Variants in NTNG2 observed in about 807,000 individuals in gnomAD.
NTNG2 encodes the protein netrin-G2.
A neutral mutation model predicts 47.6 loss-of-function variants in NTNG2; 15 were observed. The ratio of observed to expected loss-of-function variants is 0.32; its 90% CI spans 0.21 to 0.49. The LOEUF is 0.49. Among genes scored for constraint, NTNG2 ranks in the 20% least tolerant of loss-of-function variants. NTNG2 has a pLI of 0.99. For missense variants in NTNG2, 578 were observed against 764.6 expected, an observed-to-expected ratio of 0.76 and a Z score of 2.88; for synonymous variants, 307 against 324.6, an observed-to-expected ratio of 0.95 and a Z score of 0.58.
At chr9:132,217,532 T>C (rs996795329) in intron 3 of NTNG2, among the ~76,000 whole-genome samples, 1 of 152,214 alleles carries the variant, frequency 6.6e-6, no homozygotes, top group Non-Finnish European at 1.5e-5. Context: ...GTCTGTGAAA[T>C]AGAGATAGTC....
chr9:132,239,098 G>T lies in NTNG2; in HGVS notation c.1055-6G>T. 6.2e-7 allele frequency: 1 copy of T among 1,610,404 alleles called. No individual in the cohort carries two copies. Among genetic ancestry groups the T allele is most frequent in the Non-Finnish European group, 8.5e-7 (1 of 1,177,018 alleles). On this transcript the variant is annotated splice_polypyrimidine_tract_variant and splice_region_variant and intron_variant, in intron 5 of 7. Coordinates refer to ENST00000393229, the MANE Select transcript of NTNG2 (RefSeq NM_032536.4). ...CATTGGTATTTCTCCCACTTGGCCG[G>T]CCCAGACTGCGAATGCTACGGTCAC...
intron 3 of NTNG2, among the ~76,000 whole-genome samples, chr9:132,210,193 C>A (rs1455493398): frequency 6.6e-6 from 1 of 152,096 alleles, no homozygotes; most frequent in Non-Finnish European, 1.5e-5. Context: ...CCAGCTCTTT[C>A]CATTTGCTCT....
At chr9:132,171,132 A>G (rs775520045) in intron 2 of NTNG2, among the ~76,000 whole-genome samples, 3 of 152,138 alleles carry the variant, frequency 2.0e-5, no homozygotes, top group Non-Finnish European at 4.4e-5. Context: ...AGCAGGAGCC[A>G]GTGGAAGGTT....
chr9:132,169,092 T>C (rs1179655862), intron 2 of NTNG2, among the ~76,000 whole-genome samples: 1 of 152,040 alleles, frequency 6.6e-6, no homozygotes, highest in East Asian at 1.9e-4. Context: ...AGCCCTGGGG[T>C]CTAGAAGAGT....
rs1491423706 is a variant in NTNG2, at chr9:132,162,567, A to AGTGTGTGTGTGT, written c.-484+329_-484+330insTGTGTGTGTGTG. On this transcript the variant is annotated intron_variant, in intron 1 of 7. Transcript: ENST00000393229. The surrounding 1 kb of genome is among the most constrained non-coding windows in gnomAD (Gnocchi z 4.6). ...GTGTGTGTGTGTGTGAGAGAGAGAC[A>AGTGTGTGTGTGT]GAGTGTGTGTGTGTGTGTGTGTGTG... Among the ~76,000 whole-genome samples, 3 of 101,686 alleles carry AGTGTGTGTGTGT rather than the reference A, an allele frequency of 3.0e-5. No homozygotes were observed. Among genetic ancestry groups the AGTGTGTGTGTGT allele is most frequent in the African/African-American group, 1.1e-4 (3 of 27,400 alleles). 66.7% of individuals were successfully genotyped at this position (101,686 alleles called of 152,430 possible). A position where few individuals can be genotyped will look rare whatever the true frequency, so the allele number is the denominator to read the frequency against.
chr9:132,181,919 T>C (rs1486056145), intron 2 of NTNG2, among the ~76,000 whole-genome samples: 1 of 152,226 alleles, frequency 6.6e-6, no homozygotes, highest in Non-Finnish European at 1.5e-5. Context: ...CGAGTCGCTC[T>C]GGATCTCAGA....
intron 3 of NTNG2, among the ~76,000 whole-genome samples, chr9:132,201,935 C>T (rs1838790224): frequency 6.6e-6 from 1 of 152,184 alleles, no homozygotes; most frequent in Admixed American, 6.5e-5. Context: ...AAGCCAAGGA[C>T]TCTGAGGTCA....
At position 132,166,888 on chromosome 9, in the gene NTNG2, T is replaced by C. The variant is rs373333460; in HGVS notation, c.57T>C (p.Tyr19=). ...LHCLPLASGD[Y]DICKSWVTTD... is the part of the protein sequence containing the mutation. ...GCCTCCCTCTGGCCTCTGGGGACTA[T>C]GACATCTGCAAATCCTGGGTGACCA... The change falls in exon 2 of 8, where the codon TAT becomes TAC. Residue 19 remains tyrosine, a synonymous_variant. Transcript: ENST00000393229. The C allele has an allele frequency of 3.5e-5, 56 of 1,614,218 alleles. No individual in the cohort carries two copies. In the African/African-American group the frequency reaches 5.9e-4, roughly 17 times the overall value.
chr9:132,172,130 C>T (rs371201038), intron 2 of NTNG2, among the ~76,000 whole-genome samples: 159 of 152,350 alleles, frequency 1.0e-3, no homozygotes, highest in African/African-American at 3.5e-3. Context: ...AGCCTTGGCC[C>T]GTGCTGTCTC....
chr9:132,189,068 C>CTTTT lies in NTNG2; in HGVS notation c.214-8874_214-8871dup, dbSNP rs749756559. On this transcript the variant is annotated intron_variant, in intron 2 of 7. Coordinates refer to ENST00000393229, the MANE Select transcript of NTNG2 (RefSeq NM_032536.4). ...TATGTGAAAAAGGCTTTAAGCCTTTCTTTTTTTTTTTTTTTTTTTTTTTTT... is the reference window on the plus strand; with the variant it reads ...TATGTGAAAAAGGCTTTAAGCCTTTCTTTTTTTTTTTTTTTTTTTTTTTTTTTTT... Among the ~76,000 whole-genome samples the CTTTT allele has an allele frequency of 9.6e-3, 895 of 93,254 alleles. 179 individuals are homozygous for CTTTT. The highest frequency in any genetic ancestry group is 0.034 in the African/African-American group (740 of 21,980). 61.2% of individuals were successfully genotyped at this position (93,254 alleles called of 152,430 possible). A position where few individuals can be genotyped will look rare whatever the true frequency, so the allele number is the denominator to read the frequency against.
intron 2 of NTNG2, among the ~76,000 whole-genome samples, chr9:132,188,364 G>A (rs1564398335): frequency 1.3e-5 from 2 of 152,364 alleles, no homozygotes; most frequent in South Asian, 4.1e-4. Flanking sequence ...GAGTCTGCGG[G>A]AGCACAGTGC....
At position 132,223,842 on chromosome 9, in the gene NTNG2, G is replaced by A. The variant is rs201586879; in HGVS notation, c.858-3007G>A. Reference sequence around the variant, plus strand: ...ACAGCGTTATAAAATATGGCCCAGAGCAGGACACGCCTAACCAGTCAAAGG... The same window carrying A: ...ACAGCGTTATAAAATATGGCCCAGAACAGGACACGCCTAACCAGTCAAAGG... On this transcript the variant is annotated intron_variant, in intron 3 of 7. Transcript: ENST00000393229. Among the ~76,000 whole-genome samples, 13 of 152,272 alleles carry A rather than the reference G, an allele frequency of 8.5e-5. No homozygotes were observed. In the East Asian group the frequency reaches 1.5e-3, roughly 18 times the overall value.
chr9:132,238,356 G>A (rs1363891776), intron 5 of NTNG2, among the ~76,000 whole-genome samples: 1 of 152,184 alleles, frequency 6.6e-6, no homozygotes, highest in Non-Finnish European at 1.5e-5. Flanking sequence ...ACGTAGGGGT[G>A]GGGTGCAGGA....
chr9:132,239,707 G>A (rs916287074), intron 6 of NTNG2, among the ~76,000 whole-genome samples: 1 of 152,230 alleles, frequency 6.6e-6, no homozygotes, highest in African/African-American at 2.4e-5. Flanking sequence ...CCTCCTGCAG[G>A]GGCCCAGTTG....
Position 132,242,087 on chromosome 9 carries a change from G to A in NTNG2, c.1569G>A (p.Gly523=), listed in dbSNP as rs1842028684. 2 of 1,182,090 alleles carry A rather than the reference G, an allele frequency of 1.7e-6. No individual in the cohort carries two copies. Among genetic ancestry groups the A allele is most frequent in the Admixed American group, 4.6e-5 (1 of 21,656 alleles). 73.2% of individuals were successfully genotyped at this position (1,182,090 alleles called of 1,614,324 possible). ...TGCTCGGCTGCCTGCTGCTGCTGGGGCTGGCCGCCCGCCTGGGCCGCTGAG... is the reference window on the plus strand; with the variant it reads ...TGCTCGGCTGCCTGCTGCTGCTGGGACTGGCCGCCCGCCTGGGCCGCTGAG... ...ATLLGCLLLL[G]LAARLGR Residue 523 remains glycine (G), a synonymous_variant, in exon 8 of 8, where the codon GGG becomes GGA. Coordinates refer to ENST00000393229, the MANE Select transcript of NTNG2 (RefSeq NM_032536.4). This position sits in a 1 kb window ranked among gnomAD's most constrained non-coding sequence, Gnocchi z 5.9.
chr9:132,195,054 C>T (rs536423959), intron 2 of NTNG2, among the ~76,000 whole-genome samples: 1 of 152,368 alleles, frequency 6.6e-6, no homozygotes, highest in South Asian at 2.1e-4. Flanking sequence ...ACAAGTGGTC[C>T]GGAGCACTGG....
At chr9:132,209,487 C>G (rs559980422) in intron 3 of NTNG2, among the ~76,000 whole-genome samples, 31 of 152,292 alleles carry the variant, frequency 2.0e-4, no homozygotes, top group Admixed American at 7.2e-4. Flanking sequence ...GCCCTGAGAT[C>G]AGAGACAGGG....
At position 132,218,088 on chromosome 9, in the gene NTNG2, A is replaced by G. The variant is rs991183418; in HGVS notation, c.858-8761A>G. ...GAGAAAAGCGAGACTCAGGTTGGCTAAGAATTTGTGCAGGCCACACAGCTG... is the reference window on the plus strand; with the variant it reads ...GAGAAAAGCGAGACTCAGGTTGGCTGAGAATTTGTGCAGGCCACACAGCTG... On this transcript the variant is annotated intron_variant, in intron 3 of 7. Coordinates refer to ENST00000393229, the MANE Select transcript of NTNG2 (RefSeq NM_032536.4). This position sits in a 1 kb window ranked among gnomAD's most constrained non-coding sequence, Gnocchi z 5.4. 2.6e-5 allele frequency among the ~76,000 whole-genome samples: 4 copies of G among 152,218 alleles called. No homozygotes were observed. Among genetic ancestry groups the G allele is most frequent in the Admixed American group, 2.0e-4 (3 of 15,282 alleles).
intron 2 of NTNG2, among the ~76,000 whole-genome samples, chr9:132,196,424 C>T (rs1315576562): frequency 2.0e-5 from 3 of 152,032 alleles, no homozygotes; most frequent in Admixed American, 1.3e-4. Context: ...AACTCCTGAC[C>T]TCAGGTGATC....
Sources: gnomAD v4.1 joint callset for allele counts (sites outside exome capture counted in the v4.1 genomes callset) on GRCh38, gnomAD v4.1.1 for gene constraint, Gnocchi (gnomAD v3.1) non-coding constraint, MANE v1.5 for transcripts, NCBI Gene and HGNC (gene_info 2026-07-23, HGNC 2026-07-21) for gene names.